The following EPHA6 variants were observed in gnomAD, a reference collection of about 807,000 sequenced individuals.
The protein encoded by EPHA6 is ephrin type-A receptor 6.
EPHA6 carries 50 observed loss-of-function variants against 112.0 expected under a neutral mutation model. The ratio of observed to expected loss-of-function variants is 0.45; its 90% CI spans 0.36 to 0.56. The LOEUF is 0.56. EPHA6 is among the 20% of genes least tolerant of loss of function. The pLI is 0.00. For missense variants in EPHA6, 1,280 were observed against 1,417.4 expected, an observed-to-expected ratio of 0.90 and a Z score of 1.56; for synonymous variants, 529 against 490.7, an observed-to-expected ratio of 1.08 and a Z score of -1.03.
chr3:97,069,141 G>C (rs896106026), intron 3 of EPHA6, among the ~76,000 whole-genome samples: 2 of 151,992 alleles, frequency 1.3e-5, no homozygotes, highest in African/African-American at 4.8e-5. Context: ...TAGCCTACTC[G>C]ACCAAATGCC....
intron 14 of EPHA6, among the ~76,000 whole-genome samples, chr3:97,657,643 A>T (rs2094144978): frequency 6.6e-6 from 1 of 151,818 alleles, no homozygotes; most frequent in Non-Finnish European, 1.5e-5. Context: ...ACTCTATTTT[A>T]CAGAATGTTA....
At chr3:97,492,940 T>G (rs1397877040) in intron 10 of EPHA6, among the ~76,000 whole-genome samples, 1 of 151,784 alleles carries the variant, frequency 6.6e-6, no homozygotes, top group Non-Finnish European at 1.5e-5. Context: ...GGATCTTTAT[T>G]ATATCTAATT....
intron 5 of EPHA6, among the ~76,000 whole-genome samples, chr3:97,295,473 A>G (rs941307132): frequency 2.0e-5 from 3 of 150,838 alleles, no homozygotes; most frequent in Non-Finnish European, 4.4e-5. Flanking sequence ...CCATATCCCT[A>G]ATTGATATTC....
rs971232155 is a variant in EPHA6, at chr3:97,682,511, C to T, written c.2785-37750C>T. 2.6e-5 allele frequency among the ~76,000 whole-genome samples: 4 copies of T among 152,074 alleles called. No homozygotes were observed. The East Asian group carries it at 5.8e-4, about 22-fold the overall frequency. On this transcript the variant is annotated intron_variant, in intron 14 of 17. Coordinates refer to ENST00000389672, the MANE Select transcript of EPHA6 (RefSeq NM_001080448.3). ...AAAGAACAGACCAATATCTATCAGG[C>T]CATACAATTTTACAATGCTGAGCAA... is the stretch of plus-strand genomic sequence containing the variant.
intron 16 of EPHA6, among the ~76,000 whole-genome samples, chr3:97,743,748 G>A (rs537431575): frequency 5.3e-5 from 8 of 152,122 alleles, no homozygotes; most frequent in South Asian, 2.1e-4. Flanking sequence ...TTATGAGGGT[G>A]TCATGTTAAA....
At chr3:96,844,083 A>G (rs2034923813) in intron 1 of EPHA6, among the ~76,000 whole-genome samples, 1 of 151,978 alleles carries the variant, frequency 6.6e-6, no homozygotes, top group South Asian at 2.1e-4. Flanking sequence ...AGGTTTACTT[A>G]GTAGAAAAGA....
chr3:97,698,095 C>T (rs215017), intron 14 of EPHA6, among the ~76,000 whole-genome samples: 92,586 of 151,980 alleles, frequency 0.61, 29,377 homozygotes, highest in Middle Eastern at 0.75. Context: ...CTCCGCCTCC[C>T]GGGTTCAAGC....
At chr3:97,048,007 T>C (rs2045569035) in intron 3 of EPHA6, among the ~76,000 whole-genome samples, 2 of 152,206 alleles carry the variant, frequency 1.3e-5, no homozygotes, top group African/African-American at 2.4e-5. Flanking sequence ...CATAGAAATA[T>C]CATGTTTTAG....
intron 5 of EPHA6, among the ~76,000 whole-genome samples, chr3:97,254,532 T>G (rs1233627767): frequency 1.3e-5 from 2 of 151,308 alleles, no homozygotes; most frequent in African/African-American, 2.4e-5. Flanking sequence ...GCAAAATTAT[T>G]TCCTAAAATA....
rs190066723 is a variant in EPHA6 at position 97,282,023 on chromosome 3, A to G, written c.1606+37736A>G. ...GATTTTCAAGGCATTATATGATTCT[A>G]TAGTTCCTTCCCATATGCTGTGACA... On this transcript the variant is annotated intron_variant, in intron 5 of 17. Transcript: ENST00000389672. 1.1e-3 allele frequency among the ~76,000 whole-genome samples: 165 copies of G among 152,354 alleles called. 1 individual carries two copies. The highest frequency in any genetic ancestry group is 3.4e-3 in the African/African-American group (142 of 41,584).
At chr3:97,680,036 T>C (rs2031732109) in intron 14 of EPHA6, among the ~76,000 whole-genome samples, 1 of 152,194 alleles carries the variant, frequency 6.6e-6, no homozygotes, top group African/African-American at 2.4e-5. Context: ...AGAGTTACAT[T>C]TTATTACAGG....
At chr3:97,570,325 T>C (rs1577814237) in intron 11 of EPHA6, among the ~76,000 whole-genome samples, 1 of 152,056 alleles carries the variant, frequency 6.6e-6, no homozygotes, top group Non-Finnish European at 1.5e-5. Context: ...GCCGGAGAAG[T>C]GGTGTCAGCA....
intron 4 of EPHA6, among the ~76,000 whole-genome samples, chr3:97,242,437 C>T (rs202094859): frequency 6.6e-6 from 1 of 151,962 alleles, no homozygotes; most frequent in East Asian, 1.9e-4. Context: ...AGAATGTTAC[C>T]TAAAACAGGG....
rs978016070 is a variant in EPHA6 at position 97,398,540 on chromosome 3, C to T, written c.1607-6610C>T. Among the ~76,000 whole-genome samples, 9 of 150,720 alleles carry T rather than the reference C, an allele frequency of 6.0e-5. No individual in the cohort carries two copies. In the East Asian group the frequency reaches 9.7e-4, roughly 16 times the overall value. On this transcript the variant is annotated intron_variant, in intron 5 of 17. Coordinates refer to ENST00000389672, the MANE Select transcript of EPHA6 (RefSeq NM_001080448.3). ...AATGAATTGATTGAGATTTAATTACCGAAGTTGAACTGGATACAACTTTAT... is the reference window on the plus strand; with the variant it reads ...AATGAATTGATTGAGATTTAATTACTGAAGTTGAACTGGATACAACTTTAT...
chr3:97,267,198 A>G (rs2079713369), intron 5 of EPHA6, among the ~76,000 whole-genome samples: 1 of 152,076 alleles, frequency 6.6e-6, no homozygotes, highest in Non-Finnish European at 1.5e-5. Flanking sequence ...TTCAAAAGCC[A>G]CTTAAACAAA....
At chr3:97,733,701 C>T (rs1012839879) in intron 15 of EPHA6, among the ~76,000 whole-genome samples, 1 of 151,950 alleles carries the variant, frequency 6.6e-6, no homozygotes, top group African/African-American at 2.4e-5. Context: ...CATACATGCA[C>T]AAGACTCAGA....
In EPHA6 at chr3:97,096,645, G is replaced by C. The variant is rs2047248467; in HGVS notation, c.1114+108652G>C. ...GGGAGAAAAAAGTCAGTATATTCAGGTGTCTTTTACTCAAAGCTAAAATCA... is the reference window on the plus strand; with the variant it reads ...GGGAGAAAAAAGTCAGTATATTCAGCTGTCTTTTACTCAAAGCTAAAATCA... On this transcript the variant is annotated intron_variant, in intron 3 of 17. Transcript: ENST00000389672. Among the ~76,000 whole-genome samples the C allele has an allele frequency of 3.3e-5, 5 of 151,792 alleles. 1 individual carries two copies. The South Asian group carries it at 1.0e-3, about 31-fold the overall frequency.
chr3:97,269,395 G>A (rs2079807034), intron 5 of EPHA6, among the ~76,000 whole-genome samples: 1 of 152,032 alleles, frequency 6.6e-6, no homozygotes, highest in Non-Finnish European at 1.5e-5. Flanking sequence ...ATTTCTATGG[G>A]CTGTTTCTCA....
intron 7 of EPHA6, among the ~76,000 whole-genome samples, chr3:97,468,663 C>A (rs955200652): frequency 4.6e-5 from 7 of 151,494 alleles, no homozygotes; most frequent in Non-Finnish European, 5.9e-5. Flanking sequence ...TTACAAAATA[C>A]AAATATGTAA....
Sources: gnomAD v4.1 joint callset for allele counts (sites outside exome capture counted in the v4.1 genomes callset) on GRCh38, gnomAD v4.1.1 for gene constraint, MANE v1.5 for transcripts, NCBI Gene and HGNC (gene_info 2026-07-23, HGNC 2026-07-21) for gene names.